The following ADAMTSL1 variants were observed in gnomAD, a reference collection of about 807,000 sequenced individuals.
ADAMTSL1 encodes the protein ADAMTS-like protein 1.
Under a neutral mutation model 201.8 loss-of-function variants are expected in ADAMTSL1, and 126 were observed. The ratio of observed to expected loss-of-function variants is 0.62; its 90% CI spans 0.54 to 0.72. The LOEUF is 0.72. Ranked by LOEUF, ADAMTSL1 falls within the 30% of genes least tolerant of loss-of-function variation. The pLI is 0.00. For synonymous variants in ADAMTSL1, 1,121 were observed against 903.4 expected, an observed-to-expected ratio of 1.24 and a Z score of -4.32; for missense variants, 2,679 against 2,277.8, an observed-to-expected ratio of 1.18 and a Z score of -3.59.
At chr9:18,869,819 G>A (rs1827775591) in intron 23 of ADAMTSL1, among the ~76,000 whole-genome samples, 1 of 152,068 alleles carries the variant, frequency 6.6e-6, no homozygotes, top group Non-Finnish European at 1.5e-5. Flanking sequence ...AAACTTTTTA[G>A]AACTTTCAGA....
chr9:18,323,785 A>G (rs552275231), intron 2 of ADAMTSL1, among the ~76,000 whole-genome samples: 1 of 152,336 alleles, frequency 6.6e-6, no homozygotes, highest in East Asian at 1.9e-4. Flanking sequence ...TATATGCAAA[A>G]CCTTAGCACC....
intron 2 of ADAMTSL1, among the ~76,000 whole-genome samples, chr9:18,314,782 CTTTTTTTTTTTT>C (rs776046209): frequency 4.6e-3 from 228 of 49,850 alleles, no homozygotes; most frequent in African/African-American, 0.016. Flanking sequence ...CGGCAGCGTG[CTTTTTTTTTTTT>C]TTTTTTTTTT....
chr9:18,677,392 TG>T (rs1275009231), intron 10 of ADAMTSL1, among the ~76,000 whole-genome samples: 7 of 152,036 alleles, frequency 4.6e-5, no homozygotes, highest in Non-Finnish European at 1.0e-4. Context: ...TTTGAAGTAA[TG>T]AAAATAGCAA....
At chr9:18,203,903 A>G (rs2132284875) in intron 2 of ADAMTSL1, among the ~76,000 whole-genome samples, 1 of 152,224 alleles carries the variant, frequency 6.6e-6, no homozygotes, top group South Asian at 2.1e-4. Flanking sequence ...GTTGAGAAGG[A>G]AAGAGGACCT....
At chr9:18,662,201 T>G in intron 9 of ADAMTSL1, 128 bp downstream of exon 9, 1 of 1,237,820 alleles carries the variant, frequency 8.1e-7, no homozygotes, top group South Asian at 1.5e-5. Flanking sequence ...TGCTGTCCAG[T>G]GTTCATTACT....
chr9:17,948,936 G>A (rs924511726), intron 1 of ADAMTSL1, among the ~76,000 whole-genome samples: 1 of 152,144 alleles, frequency 6.6e-6, no homozygotes, highest in Non-Finnish European at 1.5e-5. Context: ...CTTTACATGG[G>A]AAGAAACTGA....
intron 15 of ADAMTSL1, chr9:18,723,120 G>A (rs529706649): frequency 3.8e-5 from 29 of 762,366 alleles, no homozygotes; most frequent in Admixed American, 3.7e-4. Flanking sequence ...TGTGGCCTAG[G>A]GCGAGGTGTC....
At chr9:18,274,147 C>A (rs1832493757) in intron 2 of ADAMTSL1, among the ~76,000 whole-genome samples, 1 of 152,250 alleles carries the variant, frequency 6.6e-6, no homozygotes, top group African/African-American at 2.4e-5. Context: ...TGTGAGTTCT[C>A]ATTCATGCAG....
intron 3 of ADAMTSL1, among the ~76,000 whole-genome samples, chr9:18,571,128 G>A (rs1035311479): frequency 6.6e-6 from 1 of 152,154 alleles, no homozygotes; most frequent in Non-Finnish European, 1.5e-5. Context: ...GAACAGAGGG[G>A]AATCATAGGA....
At chr9:18,078,995 C>A (rs1046235175) in intron 1 of ADAMTSL1, among the ~76,000 whole-genome samples, 3 of 152,170 alleles carry the variant, frequency 2.0e-5, no homozygotes, top group African/African-American at 4.8e-5. Context: ...TCTCAAGGTT[C>A]CCCAGGCAGG....
intron 2 of ADAMTSL1, among the ~76,000 whole-genome samples, chr9:18,286,833 TTG>T (rs1833010073): frequency 6.6e-6 from 1 of 152,208 alleles, no homozygotes; most frequent in Admixed American, 6.5e-5. Context: ...TTCACAGATT[TTG>T]TGTTTATGTT....
chr9:18,863,694 C>T (rs1188544560), intron 23 of ADAMTSL1, among the ~76,000 whole-genome samples: 2 of 152,146 alleles, frequency 1.3e-5, no homozygotes, highest in Non-Finnish European at 2.9e-5. Context: ...AGCTCTTTAG[C>T]GACCATCTCT....
chr9:18,609,063 GTCCCAGTCCCTGAAAATATGTCTT>G (rs1223389089), intron 4 of ADAMTSL1, among the ~76,000 whole-genome samples: 6 of 152,132 alleles, frequency 3.9e-5, no homozygotes, highest in Non-Finnish European at 7.4e-5. Context: ...GAGAAAACTT[GTCCCAGTCCCTGAAAATATGTCTT>G]TCCCAGCACC....
chr9:18,590,534 A>G (rs1024220556), intron 4 of ADAMTSL1, among the ~76,000 whole-genome samples: 1 of 151,466 alleles, frequency 6.6e-6, no homozygotes, highest in African/African-American at 2.4e-5. Context: ...TCACATCTTC[A>G]GTATTTATTT....
At chr9:18,318,722 A>T (rs528771902) in intron 2 of ADAMTSL1, among the ~76,000 whole-genome samples, 1 of 147,490 alleles carries the variant, frequency 6.8e-6, no homozygotes, top group Admixed American at 6.8e-5. Context: ...CTCGTAGCTA[A>T]TTTTTTTTTT....
chr9:18,910,856 G>A lies in ADAMTSL1; in HGVS notation c.*2308G>A, dbSNP rs1830561868. ...CTCAGCAGCACCACAAGACAATGAA[G>A]GCTGCTGGCTAATGTGGAAGGAGGC... On this transcript the variant is annotated 3_prime_UTR_variant, in exon 29 of 29. Coordinates refer to ENST00000380548, the MANE Select transcript of ADAMTSL1 (RefSeq NM_001040272.6). The A allele has an allele frequency of 6.6e-6, 1 of 152,242 alleles. No individual in the cohort carries two copies. Among genetic ancestry groups the A allele is most frequent in the Admixed American group, 6.5e-5 (1 of 15,290 alleles). 9.4% of individuals were successfully genotyped at this position (152,242 alleles called of 1,614,324 possible).
intron 2 of ADAMTSL1, among the ~76,000 whole-genome samples, chr9:18,377,714 G>T (rs551753987): frequency 1.6e-4 from 25 of 152,168 alleles, no homozygotes; most frequent in Non-Finnish European, 4.4e-5. Context: ...ATACAGTCGC[G>T]TGCCACCACG....
At chr9:18,662,206 A>G (rs1829139818) in intron 9 of ADAMTSL1, 133 bp downstream of exon 9, 1 of 1,216,080 alleles carries the variant, frequency 8.2e-7, no homozygotes, top group African/African-American at 1.5e-5. Context: ...TCCAGTGTTC[A>G]TTACTAATCA....
At chr9:18,479,646 C>G (rs1050909621) in intron 1 of ADAMTSL1, among the ~76,000 whole-genome samples, 1 of 152,210 alleles carries the variant, frequency 6.6e-6, no homozygotes, top group Non-Finnish European at 1.5e-5. Flanking sequence ...CATCGCCCAT[C>G]TCTTACTTAT....
Sources: allele counts gnomAD v4.1 joint callset (sites outside exome capture counted in the v4.1 genomes callset), GRCh38; gene constraint gnomAD v4.1.1; transcripts MANE v1.5; gene names NCBI Gene and HGNC (gene_info 2026-07-23, HGNC 2026-07-21).